FRMD4A: variants seen among roughly 807,000 people sequenced by gnomAD.
FRMD4A encodes FERM domain containing 4A, also known as FERM domain-containing protein 4A.
Under a neutral mutation model 129.1 loss-of-function variants are expected in FRMD4A, and 29 were observed. The ratio of observed to expected loss-of-function variants is 0.22; its 90% CI spans 0.17 to 0.31. FRMD4A has a LOEUF of 0.31. Ranked by LOEUF, FRMD4A falls within the 10% of genes least tolerant of loss-of-function variation. FRMD4A has a pLI of 1.00. For missense variants in FRMD4A, 1,272 were observed against 1,375.8 expected, an observed-to-expected ratio of 0.92 and a Z score of 1.19; for synonymous variants, 634 against 571.6, an observed-to-expected ratio of 1.11 and a Z score of -1.56.
At chr10:14,314,232 G>T (rs747240525) in intron 2 of FRMD4A, among the ~76,000 whole-genome samples, 1 of 151,866 alleles carries the variant, frequency 6.6e-6, no homozygotes, top group Non-Finnish European at 1.5e-5. Context: ...TTGCCACCTC[G>T]CATGCAAGAA....
chr10:14,008,236 C>T (rs902238711), intron 2 of FRMD4A: 1 of 1,104,496 alleles, frequency 9.1e-7, no homozygotes, highest in Non-Finnish European at 1.1e-6. Flanking sequence ...GAGAAGGAGC[C>T]TCCCTCAAAA....
At chr10:14,180,842 T>C (rs1269715850) in intron 2 of FRMD4A, among the ~76,000 whole-genome samples, 3 of 152,228 alleles carry the variant, frequency 2.0e-5, no homozygotes, top group Non-Finnish European at 4.4e-5. Flanking sequence ...CCCAGATCAA[T>C]GTCTAAGCTC....
At chr10:13,841,591 G>A (rs1459279328) in intron 3 of FRMD4A, among the ~76,000 whole-genome samples, 1 of 152,208 alleles carries the variant, frequency 6.6e-6, no homozygotes, top group Non-Finnish European at 1.5e-5. Context: ...ACTCAGTGGA[G>A]CCTTCCCGTT....
At chr10:14,131,496 T>A (rs1259239032) in intron 2 of FRMD4A, among the ~76,000 whole-genome samples, 1 of 151,526 alleles carries the variant, frequency 6.6e-6, no homozygotes, top group African/African-American at 2.4e-5. Flanking sequence ...TTCTGGAGAC[T>A]GTCGGGAAAG....
intron 2 of FRMD4A, among the ~76,000 whole-genome samples, chr10:14,020,204 G>A (rs1437738019): frequency 6.6e-6 from 1 of 152,208 alleles, no homozygotes; most frequent in East Asian, 1.9e-4. Context: ...GAACATGTGT[G>A]CTGCTTCCTC....
intron 2 of FRMD4A, among the ~76,000 whole-genome samples, chr10:14,038,508 C>G (rs950804801): frequency 6.6e-6 from 1 of 152,106 alleles, no homozygotes; most frequent in Non-Finnish European, 1.5e-5. Flanking sequence ...TCCAATTTCT[C>G]CTTAGCCTTG....
intron 2 of FRMD4A, among the ~76,000 whole-genome samples, chr10:14,113,706 G>A (rs955622975): frequency 2.0e-5 from 3 of 152,104 alleles, no homozygotes; most frequent in Admixed American, 6.5e-5. Context: ...CAAATCGAAG[G>A]CTATTTAGTA....
chr10:13,789,769 A>ATGTGTGTGTG (rs57602565), intron 5 of FRMD4A, among the ~76,000 whole-genome samples: 3,978 of 130,084 alleles, frequency 0.031, 78 homozygotes, highest in African/African-American at 0.046. Flanking sequence ...GCTGCTTATA[A>ATGTGTGTGTG]TGTGTGTGTG....
chr10:14,172,266 A>T (rs1164664625), intron 2 of FRMD4A, among the ~76,000 whole-genome samples: 1 of 152,218 alleles, frequency 6.6e-6, no homozygotes, highest in South Asian at 2.1e-4. Context: ...TCTATTTGCT[A>T]TGTAGAGATT....
At chr10:14,276,086 C>T (rs1218199001) in intron 2 of FRMD4A, among the ~76,000 whole-genome samples, 1 of 152,168 alleles carries the variant, frequency 6.6e-6, no homozygotes. Flanking sequence ...AGACCTGTCT[C>T]TGGTCCTGGC....
intron 4 of FRMD4A, among the ~76,000 whole-genome samples, chr10:13,800,064 C>T (rs550516815): frequency 6.6e-6 from 1 of 152,158 alleles, no homozygotes; most frequent in East Asian, 1.9e-4. Context: ...TGCCTGTAAT[C>T]CCAGCTACTC....
In FRMD4A at chr10:13,651,937, C is replaced by A. The variant is rs1343621577; in HGVS notation, c.3088G>T (p.Glu1030Ter). ...TENSPILDGS[E>*]SPPHQSTDE ...TCAGTACTTTGGTGAGGTGGAGACT[C>A]AGACCCATCCAGAATGGGTGAGTTT... The change falls in exon 24 of 25, where the codon GAG becomes TAG. Residue 1030 changes from glutamate (E) to a stop codon, truncating the protein, a stop_gained. Transcript: ENST00000357447. LOFTEE classifies it high-confidence loss of function. 6.2e-7 allele frequency: 1 copy of A among 1,600,888 alleles called. No individual in the cohort carries two copies. Among genetic ancestry groups the A allele is most frequent in the Non-Finnish European group, 8.6e-7 (1 of 1,167,914 alleles).
Position 14,127,955 on chromosome 10 carries a change from TTTCTTTCTTTCTTTCTTTCTTTCC to T in FRMD4A, c.45+202079_45+202102del, listed in dbSNP as rs1168272775. On this transcript the variant is annotated intron_variant, in intron 2 of 24. Coordinates refer to ENST00000357447, the MANE Select transcript of FRMD4A (RefSeq NM_018027.5). ...CTTTCTTTCTTTCTTTCTTTCTTTC[TTTCTTTCTTTCTTTCTTTCTTTCC>T]TTCTCTCTCTCTCTCTCTCTCTTTC... Among the ~76,000 whole-genome samples the T allele has an allele frequency of 8.1e-3, 215 of 26,602 alleles. 6 individuals carry two copies. Among genetic ancestry groups the T allele is most frequent in the African/African-American group, 0.027 (116 of 4,256 alleles). The allele number at this position is 26,602 out of a possible 152,430, so 17.5% of individuals were successfully genotyped here.
At chr10:14,224,949 G>C (rs1303020535) in intron 2 of FRMD4A, among the ~76,000 whole-genome samples, 3 of 152,060 alleles carry the variant, frequency 2.0e-5, no homozygotes, top group Non-Finnish European at 2.9e-5. Context: ...GAAATACAAT[G>C]GCAAATCTTC....
At chr10:13,940,257 A>C (rs2131307285) in intron 2 of FRMD4A, among the ~76,000 whole-genome samples, 1 of 152,268 alleles carries the variant, frequency 6.6e-6, no homozygotes, top group Non-Finnish European at 1.5e-5. Context: ...TCAAGGTCAC[A>C]GATTGGCTTT....
intron 3 of FRMD4A, among the ~76,000 whole-genome samples, chr10:13,840,811 A>C (rs1024628095): frequency 1.4e-5 from 2 of 144,084 alleles, no homozygotes; most frequent in African/African-American, 5.2e-5. Context: ...AAAAAAAAAA[A>C]AAAAAAGTGG....
chr10:13,758,735 T>C (rs2130687912), intron 8 of FRMD4A, among the ~76,000 whole-genome samples: 1 of 152,338 alleles, frequency 6.6e-6, no homozygotes, highest in Admixed American at 6.5e-5. Flanking sequence ...CTCCCTTCAG[T>C]GTGTCCATGT....
chr10:13,816,035 G>T (rs1483001061), intron 3 of FRMD4A, among the ~76,000 whole-genome samples: 1 of 152,200 alleles, frequency 6.6e-6, no homozygotes, highest in Non-Finnish European at 1.5e-5. Context: ...TAGCTGCCTG[G>T]CTGGAACAAA....
chr10:13,930,477 A>T (rs935299939), intron 2 of FRMD4A, among the ~76,000 whole-genome samples: 7 of 152,154 alleles, frequency 4.6e-5, no homozygotes, highest in African/African-American at 1.7e-4. Flanking sequence ...AGCTCTGCAG[A>T]CCCATTGATG....
Sources: gnomAD v4.1 joint callset for allele counts (sites outside exome capture counted in the v4.1 genomes callset) on GRCh38, gnomAD v4.1.1 for gene constraint, MANE v1.5 for transcripts, NCBI Gene and HGNC (gene_info 2026-07-23, HGNC 2026-07-21) for gene names.